The following GPATCH8 variants were observed in gnomAD, a reference collection of about 807,000 sequenced individuals.
GPATCH8 encodes the protein G patch domain-containing protein 8.
GPATCH8 carries 18 observed loss-of-function variants against 118.3 expected under a neutral mutation model. The observed-to-expected ratio is 0.15, with a 90% confidence interval of 0.11 to 0.23. The LOEUF is 0.23. Ranked by LOEUF, GPATCH8 falls within the 10% of genes least tolerant of loss-of-function variation. The pLI, the probability that GPATCH8 is intolerant of heterozygous loss-of-function variation, is 1.00. For synonymous variants in GPATCH8, 659 were observed against 684.7 expected, an observed-to-expected ratio of 0.96 and a Z score of 0.59; for missense variants, 1,631 against 1,873.8, an observed-to-expected ratio of 0.87 and a Z score of 2.39.
intron 1 of GPATCH8, among the ~76,000 whole-genome samples, chr17:44,497,355 C>T (rs545090095): frequency 9.9e-5 from 15 of 151,798 alleles, no homozygotes; most frequent in East Asian, 1.9e-4. Context: ...TTTGAGGGGC[C>T]GAGGTGGGAG....
chr17:44,435,155 G>C lies in GPATCH8; in HGVS notation c.262-4C>G, dbSNP rs1598481800. On this transcript the variant is annotated splice_region_variant and splice_polypyrimidine_tract_variant and intron_variant, in intron 4 of 7. Transcript: ENST00000591680. Reference sequence around the variant, plus strand: ...TAGCATCTTCAGCATAATCAAGCTTGACAAAAATAGATATGATTAGATTTA... The same window carrying C: ...TAGCATCTTCAGCATAATCAAGCTTCACAAAAATAGATATGATTAGATTTA... 7.5e-7 allele frequency: 1 copy of C among 1,330,196 alleles called. No individual in the cohort carries two copies. The highest frequency in any genetic ancestry group is 1.1e-6 in the Non-Finnish European group (1 of 920,834). The allele number at this position is 1,330,196 out of a possible 1,614,324, so 82.4% of individuals were successfully genotyped here. A position where few individuals can be genotyped will look rare whatever the true frequency, so the allele number is the denominator to read the frequency against.
chr17:44,422,778 G>A (rs1230727427), intron 6 of GPATCH8, among the ~76,000 whole-genome samples: 2 of 151,172 alleles, frequency 1.3e-5, no homozygotes, highest in Admixed American at 6.6e-5. Context: ...GCACCCGGCC[G>A]GCCTAACATT....
intron 3 of GPATCH8, among the ~76,000 whole-genome samples, chr17:44,453,528 T>TGTGTGTGTGTGTGTGC (rs1482667373): frequency 2.0e-5 from 3 of 150,690 alleles, no homozygotes; most frequent in African/African-American, 7.4e-5. Context: ...TGTGTGTGTG[T>TGTGTGTGTGTGTGTGC]GTGCAGGCGC....
chr17:44,460,838 G>A (rs563171013), intron 3 of GPATCH8, among the ~76,000 whole-genome samples: 76 of 152,234 alleles, frequency 5.0e-4, no homozygotes, highest in African/African-American at 1.7e-3. Flanking sequence ...AAAGAAATCT[G>A]TCATAAATTG....
rs1360959939 is a variant in GPATCH8, at chr17:44,398,912, T to C, written c.3165A>G (p.Gly1055=). The change falls in exon 8 of 8, where the codon GGA becomes GGG. Residue 1055 remains glycine, a synonymous_variant. Coordinates refer to ENST00000591680, the MANE Select transcript of GPATCH8 (RefSeq NM_001002909.4). ...GTGGACCTGTTGCTTTACTGTCATC[T>C]CCTCTGCCATCATCTTTCTTCCCAG... ...EGPGKKDDGR[G]DDSKATGPPS... 9.9e-6 allele frequency: 16 copies of C among 1,614,170 alleles called. No homozygotes were observed. The South Asian group carries it at 1.6e-4, about 17-fold the overall frequency.
At position 44,397,940 on chromosome 17, in the gene GPATCH8, G is replaced by A. The variant is rs1412692922; in HGVS notation, c.4137C>T (p.Ile1379=). 1.9e-6 allele frequency: 3 copies of A among 1,613,384 alleles called. No homozygotes were observed. Among genetic ancestry groups the A allele is most frequent in the South Asian group, 2.2e-5 (2 of 91,080 alleles). Residue 1379 remains isoleucine (I), a synonymous_variant, in exon 8 of 8, where the codon ATC becomes ATT. Coordinates refer to ENST00000591680, the MANE Select transcript of GPATCH8 (RefSeq NM_001002909.4). ...CAGCTGCGGCAGCATGATGTTGTAG[G>A]ATGGCATGCTGAACAGTTGTGATGG... ...ATSITTVQHA[I]LQHHAAAAAA... is the part of the protein sequence containing the mutation.
chr17:44,467,262 A>G (rs1331407799), intron 2 of GPATCH8: 5 of 332,100 alleles, frequency 1.5e-5, no homozygotes, highest in African/African-American at 1.1e-4. Flanking sequence ...ACGAGTCAAG[A>G]CCAGCTGAGA....
intron 3 of GPATCH8, among the ~76,000 whole-genome samples, chr17:44,454,328 G>A (rs2051246702): frequency 1.3e-5 from 2 of 152,094 alleles, no homozygotes; most frequent in Admixed American, 1.3e-4. Context: ...TCACTATGTC[G>A]CCCAGGCTGG....
At position 44,395,661 on chromosome 17, in the gene GPATCH8, G is replaced by C. The variant is rs1226604022; in HGVS notation, c.*1907C>G. 1 of 454,166 alleles carries C rather than the reference G, an allele frequency of 2.2e-6. No homozygotes were observed. Among genetic ancestry groups the C allele is most frequent in the Admixed American group, 2.3e-5 (1 of 42,576 alleles). 28.1% of individuals were successfully genotyped at this position (454,166 alleles called of 1,614,324 possible). A position where few individuals can be genotyped will look rare whatever the true frequency, so the allele number is the denominator to read the frequency against. On this transcript the variant is annotated 3_prime_UTR_variant, in exon 8 of 8. Coordinates refer to ENST00000591680, the MANE Select transcript of GPATCH8 (RefSeq NM_001002909.4). The stretch of plus-strand genomic sequence containing the variant: ...GAGTACTGAACAGGTAGGAGGGTGG[G>C]AGGGCAGTCAAGAGTTGTGTTTGCC...
At chr17:44,412,132 G>A (rs1341290674) in intron 6 of GPATCH8, among the ~76,000 whole-genome samples, 1 of 151,982 alleles carries the variant, frequency 6.6e-6, no homozygotes, top group African/African-American at 2.4e-5. Flanking sequence ...CATGTTGGTC[G>A]GGATGGTCTC....
chr17:44,500,723 G>C (rs1050809250), intron 1 of GPATCH8, among the ~76,000 whole-genome samples: 1 of 152,176 alleles, frequency 6.6e-6, no homozygotes, highest in African/African-American at 2.4e-5. Context: ...AGTGCTACAA[G>C]ATCTGTTGAA....
intron 3 of GPATCH8, among the ~76,000 whole-genome samples, chr17:44,458,646 CA>C (rs1336090501): frequency 6.6e-6 from 1 of 152,058 alleles, no homozygotes; most frequent in East Asian, 1.9e-4. Context: ...CTCAGCCTTC[CA>C]AATAGCTAGG....
Position 44,470,191 on chromosome 17 carries a change from A to G in GPATCH8, c.120+4638T>C, listed in dbSNP as rs753750299. 2.0e-5 allele frequency among the ~76,000 whole-genome samples: 3 copies of G among 152,194 alleles called. No individual in the cohort carries two copies. The South Asian group carries it at 6.2e-4, about 32-fold the overall frequency. On this transcript the variant is annotated intron_variant, in intron 2 of 7. Transcript: ENST00000591680. ...GCATTCTGCCTTCTATATAGCTTAA[A>G]GTCATTCTCCCATCTGATCCCTCAT... is the stretch of plus-strand genomic sequence containing the variant.
chr17:44,410,954 G>A (rs776794010), intron 6 of GPATCH8, among the ~76,000 whole-genome samples: 4 of 152,112 alleles, frequency 2.6e-5, no homozygotes, highest in Non-Finnish European at 5.9e-5. Context: ...AACTTAAACA[G>A]CATTATATTG....
At chr17:44,447,675 G>C (rs1305493887) in intron 3 of GPATCH8, among the ~76,000 whole-genome samples, 1 of 146,914 alleles carries the variant, frequency 6.8e-6, no homozygotes, top group Non-Finnish European at 1.5e-5. Flanking sequence ...CTGGAGATTA[G>C]AGTGCAGTCA....
chr17:44,427,916 T>TATCC (rs762129568), intron 5 of GPATCH8, among the ~76,000 whole-genome samples: 5 of 152,076 alleles, frequency 3.3e-5, no homozygotes, highest in African/African-American at 7.2e-5. Flanking sequence ...ATCCATCCTA[T>TATCC]ATCCATCCAT....
chr17:44,485,137 G>A (rs567124038), intron 1 of GPATCH8, among the ~76,000 whole-genome samples: 60 of 151,460 alleles, frequency 4.0e-4, no homozygotes, highest in Non-Finnish European at 7.1e-4. Flanking sequence ...CTGAGACAAG[G>A]TCTCACTCTG....
At chr17:44,494,309 C>A (rs748487247) in intron 1 of GPATCH8, among the ~76,000 whole-genome samples, 1 of 151,954 alleles carries the variant, frequency 6.6e-6, no homozygotes, top group African/African-American at 2.4e-5. Flanking sequence ...TCACATGGTC[C>A]GGCCGGGCAC....
At chr17:44,467,306 T>G in intron 2 of GPATCH8, 1 of 249,760 alleles carries the variant, frequency 4.0e-6, no homozygotes, top group Non-Finnish European at 8.5e-6. Context: ...CTGACAACAG[T>G]GAAAGGAAAA....
Sources: gnomAD v4.1 joint callset for allele counts (sites outside exome capture counted in the v4.1 genomes callset) on GRCh38, gnomAD v4.1.1 for gene constraint, MANE v1.5 for transcripts, NCBI Gene and HGNC (gene_info 2026-07-23, HGNC 2026-07-21) for gene names.